The following ARHGAP42 variants were observed in gnomAD, a reference collection of about 807,000 sequenced individuals.
ARHGAP42 encodes Rho GTPase activating protein 42, also known as rho GTPase-activating protein 42.
In ARHGAP42, 63 loss-of-function variants were observed where a neutral mutation model predicts 125.0. The observed-to-expected ratio is 0.50, with a 90% CI of 0.41 to 0.62. The LOEUF (loss-of-function observed/expected upper bound fraction) is 0.62. Ranked by LOEUF, ARHGAP42 falls within the 20% of genes least tolerant of loss-of-function variation. The probability of loss-of-function intolerance (pLI) is 0.00; values close to 1 mark genes in which losing one functional copy is unlikely to be tolerated. For missense variants in ARHGAP42, 766 were observed against 1,024.2 expected (o/e 0.75, Z 3.44); for synonymous variants, 339 against 351.0 (o/e 0.97, Z 0.38).
intron 12 of ARHGAP42, 64 bp downstream of exon 12, chr11:100,950,020 G>C: frequency 2.0e-6 from 2 of 1,024,424 alleles, no homozygotes; most frequent in South Asian, 1.7e-5. Flanking sequence ...AAAAGCATTA[G>C]GTGATTGTAA....
At chr11:100,696,612 C>T (rs1861289721) in intron 1 of ARHGAP42, among the ~76,000 whole-genome samples, 1 of 152,090 alleles carries the variant, frequency 6.6e-6, no homozygotes, top group Non-Finnish European at 1.5e-5. Context: ...GCCTCAGCCT[C>T]CCAAAGTGCT....
At chr11:100,921,230 T>C (rs1279066788) in intron 5 of ARHGAP42, among the ~76,000 whole-genome samples, 2 of 57,468 alleles carry the variant, frequency 3.5e-5, no homozygotes, top group African/African-American at 1.4e-4. Context: ...TATATATATA[T>C]ATATATATAT....
At chr11:100,872,327 A>T (rs1949835714) in intron 4 of ARHGAP42, among the ~76,000 whole-genome samples, 2 of 152,174 alleles carry the variant, frequency 1.3e-5, no homozygotes, top group African/African-American at 4.8e-5. Context: ...CTTGCCTAGT[A>T]GACTTTTTGG....
chr11:100,739,025 G>T (rs911422596), intron 1 of ARHGAP42, among the ~76,000 whole-genome samples: 1 of 152,192 alleles, frequency 6.6e-6, no homozygotes. Flanking sequence ...CCTAGTTTGA[G>T]ATCTTTTTGA....
At chr11:100,955,416 A>G (rs1053503858) in intron 12 of ARHGAP42, among the ~76,000 whole-genome samples, 5 of 152,072 alleles carry the variant, frequency 3.3e-5, no homozygotes, top group Non-Finnish European at 5.9e-5. Flanking sequence ...TTCTCTCTAC[A>G]ATGGAGGAGA....
chr11:100,853,588 A>G (rs562789164), intron 3 of ARHGAP42, among the ~76,000 whole-genome samples: 3 of 152,260 alleles, frequency 2.0e-5, no homozygotes, highest in South Asian at 2.1e-4. Flanking sequence ...TGTTAATTAC[A>G]TCACAGTGGA....
At chr11:100,745,509 C>T (rs1862281386) in intron 1 of ARHGAP42, among the ~76,000 whole-genome samples, 2 of 152,128 alleles carry the variant, frequency 1.3e-5, no homozygotes, top group African/African-American at 4.8e-5. Context: ...AGAATTGAGG[C>T]TGTTATTCTT....
chr11:100,917,309 C>T (rs1867098317), intron 5 of ARHGAP42, among the ~76,000 whole-genome samples: 1 of 152,048 alleles, frequency 6.6e-6, no homozygotes, highest in African/African-American at 2.4e-5. Context: ...TTCTTAATAT[C>T]TCTATTCTTA....
At chr11:100,954,225 A>G (rs1857741387) in intron 12 of ARHGAP42, among the ~76,000 whole-genome samples, 1 of 152,146 alleles carries the variant, frequency 6.6e-6, no homozygotes, top group South Asian at 2.1e-4. Flanking sequence ...GAGCACTGTG[A>G]AAGAAAAGGC....
chr11:100,726,922 C>T (rs1272181935), intron 1 of ARHGAP42, among the ~76,000 whole-genome samples: 1 of 152,180 alleles, frequency 6.6e-6, no homozygotes, highest in Non-Finnish European at 1.5e-5. Flanking sequence ...ATGATTCCAA[C>T]AGGGAAGTGA....
intron 4 of ARHGAP42, among the ~76,000 whole-genome samples, chr11:100,867,244 C>T (rs1865590626): frequency 6.6e-6 from 1 of 152,224 alleles, no homozygotes; most frequent in Non-Finnish European, 1.5e-5. Flanking sequence ...TCCTTTGACG[C>T]TTTGAAGCCA....
intron 7 of ARHGAP42, among the ~76,000 whole-genome samples, chr11:100,935,531 A>G (rs1867711181): frequency 6.6e-6 from 1 of 152,038 alleles, no homozygotes. Context: ...CTAAGTCCCT[A>G]TGTATCTGTT....
intron 4 of ARHGAP42, among the ~76,000 whole-genome samples, chr11:100,860,353 T>G (rs1340101239): frequency 6.6e-6 from 1 of 152,118 alleles, no homozygotes; most frequent in Non-Finnish European, 1.5e-5. Flanking sequence ...TCTGAAATAT[T>G]TGAAATAGCC....
chr11:100,981,064 C>A lies in ARHGAP42; in HGVS notation c.2456+2015C>A, dbSNP rs1020048939. On this transcript the variant is annotated intron_variant, in intron 22 of 23. Transcript: ENST00000298815. The stretch of plus-strand genomic sequence containing the variant: ...ATGAATGAACTTTAGGTCAGACAGA[C>A]CCTAGTTCAAATTTTTAGGTCACCA... 2.6e-5 allele frequency among the ~76,000 whole-genome samples: 4 copies of A among 152,210 alleles called. No individual in the cohort carries two copies. The East Asian group carries it at 5.8e-4, about 22-fold the overall frequency.
intron 3 of ARHGAP42, among the ~76,000 whole-genome samples, chr11:100,830,813 C>T (rs963422215): frequency 1.1e-4 from 17 of 152,008 alleles, no homozygotes; most frequent in Admixed American, 1.0e-3. Flanking sequence ...TTTGTCAGCT[C>T]GGGCAAGGTC....
intron 12 of ARHGAP42, among the ~76,000 whole-genome samples, chr11:100,953,705 G>A (rs1008475695): frequency 6.6e-6 from 1 of 152,108 alleles, no homozygotes; most frequent in African/African-American, 2.4e-5. Context: ...GAAAAGGAAA[G>A]CTTGAATCAC....
At chr11:100,808,764 T>C (rs1864066772) in intron 3 of ARHGAP42, among the ~76,000 whole-genome samples, 1 of 152,168 alleles carries the variant, frequency 6.6e-6, no homozygotes, top group African/African-American at 2.4e-5. Context: ...ACTGACAATT[T>C]CTCCCAATGT....
intron 2 of ARHGAP42, among the ~76,000 whole-genome samples, chr11:100,782,099 G>T (rs1863329532): frequency 6.6e-6 from 1 of 152,178 alleles, no homozygotes. Flanking sequence ...AGAAAACCAG[G>T]ATGTGATATC....
intron 3 of ARHGAP42, among the ~76,000 whole-genome samples, chr11:100,852,576 C>A (rs888180022): frequency 4.6e-5 from 7 of 152,266 alleles, no homozygotes; most frequent in African/African-American, 1.7e-4. Flanking sequence ...TGCTCCCATA[C>A]ACAAAGCCAC....
Sources: gnomAD v4.1 joint callset for allele counts (sites outside exome capture counted in the v4.1 genomes callset) on GRCh38, gnomAD v4.1.1 for gene constraint, MANE v1.5 for transcripts, NCBI Gene and HGNC (gene_info 2026-07-23, HGNC 2026-07-21) for gene names.